Variants in NMNAT2 observed in about 807,000 individuals in gnomAD.
NMNAT2 encodes nicotinamide/nicotinic acid mononucleotide adenylyltransferase 2.
NMNAT2 carries 11 observed loss-of-function variants against 41.6 expected under a neutral mutation model. That is an observed-to-expected ratio of 0.26 (90% CI 0.17 to 0.44). The LOEUF (loss-of-function observed/expected upper bound fraction) is 0.44. NMNAT2 is among the 20% of genes least tolerant of loss of function. The probability of loss-of-function intolerance (pLI) is 1.00; values close to 1 mark genes in which losing one functional copy is unlikely to be tolerated. For missense variants in NMNAT2, 288 were observed against 407.7 expected (o/e 0.71, Z 2.53); for synonymous variants, 148 against 151.2 (o/e 0.98, Z 0.16).
At chr1:183,304,431 C>T (rs887692762) in intron 1 of NMNAT2, among the ~76,000 whole-genome samples, 3 of 152,160 alleles carry the variant, frequency 2.0e-5, no homozygotes, top group Non-Finnish European at 4.4e-5. Flanking sequence ...TGATAGGTTA[C>T]CCACATTTGG....
At chr1:183,323,723 A>G (rs1483950599) in intron 1 of NMNAT2, among the ~76,000 whole-genome samples, 1 of 152,206 alleles carries the variant, frequency 6.6e-6, no homozygotes, top group Non-Finnish European at 1.5e-5. Context: ...TATCTTCCTT[A>G]CAACCTTCCC....
chr1:183,398,713 C>T (rs1648724917), intron 1 of NMNAT2, among the ~76,000 whole-genome samples: 1 of 152,224 alleles, frequency 6.6e-6, no homozygotes, highest in African/African-American at 2.4e-5. Context: ...CAAACTGTCT[C>T]TCAGACCACA....
chr1:183,320,289 T>C (rs1342255316), intron 1 of NMNAT2, among the ~76,000 whole-genome samples: 1 of 152,204 alleles, frequency 6.6e-6, no homozygotes, highest in East Asian at 1.9e-4. Flanking sequence ...TTTGGTATTC[T>C]TTGAGAGATT....
At chr1:183,298,689 G>A (rs1571583104) in intron 1 of NMNAT2, among the ~76,000 whole-genome samples, 1 of 152,152 alleles carries the variant, frequency 6.6e-6, no homozygotes, top group Admixed American at 6.5e-5. Flanking sequence ...ACAACAAGTA[G>A]CAGAAGATGC....
rs972212778 is a variant in NMNAT2, at chr1:183,265,517, G to A, written c.652-4214C>T. 2.6e-5 allele frequency among the ~76,000 whole-genome samples: 4 copies of A among 151,708 alleles called. No individual in the cohort carries two copies. In the South Asian group the frequency reaches 6.2e-4, roughly 24 times the overall value. On this transcript the variant is annotated intron_variant, in intron 8 of 10. Transcript: ENST00000287713. ...CCTGACCTCATGATCCACCTCCCTCGGCCTCCCAAAGTGCTGGGATTACAG... is the reference window on the plus strand; with the variant it reads ...CCTGACCTCATGATCCACCTCCCTCAGCCTCCCAAAGTGCTGGGATTACAG...
chr1:183,261,848 G>A (rs1660667181), intron 8 of NMNAT2, among the ~76,000 whole-genome samples: 1 of 152,182 alleles, frequency 6.6e-6, no homozygotes, highest in South Asian at 2.1e-4. Context: ...GCTGTGATAG[G>A]GAGATGATGA....
intron 8 of NMNAT2, among the ~76,000 whole-genome samples, chr1:183,273,648 T>A (rs773638484): frequency 1.5e-4 from 23 of 152,224 alleles, no homozygotes; most frequent in Non-Finnish European, 2.8e-4. Flanking sequence ...ATAAGAGCAG[T>A]GGACTAATTC....
At chr1:183,264,739 G>A (rs1380483411) in intron 8 of NMNAT2, among the ~76,000 whole-genome samples, 1 of 152,116 alleles carries the variant, frequency 6.6e-6, no homozygotes, top group Non-Finnish European at 1.5e-5. Flanking sequence ...TTGGTGAGAT[G>A]TGCCCTCAGT....
chr1:183,257,697 T>G (rs1660554610), intron 10 of NMNAT2, among the ~76,000 whole-genome samples: 1 of 152,184 alleles, frequency 6.6e-6, no homozygotes, highest in Non-Finnish European at 1.5e-5. Flanking sequence ...ATCTTATTTC[T>G]GAGACATCTG....
chr1:183,363,099 A>G lies in NMNAT2; in HGVS notation c.85+55084T>C, dbSNP rs558225556. ...TTTGCCATTTGTGTATCTTCTTTGG[A>G]GAAATTTCTGTTCAAACCCCTAGCT... On this transcript the variant is annotated intron_variant, in intron 1 of 10. Transcript: ENST00000287713. Among the ~76,000 whole-genome samples, 3 of 152,200 alleles carry G rather than the reference A, an allele frequency of 2.0e-5. No homozygotes were observed. The South Asian group carries it at 6.2e-4, about 32-fold the overall frequency.
chr1:183,278,729 C>G, intron 7 of NMNAT2, 100 bp from the exon 8 acceptor site: 1 of 839,328 alleles, frequency 1.2e-6, no homozygotes, highest in Middle Eastern at 2.3e-4. Context: ...ACTCTCCCAC[C>G]TTTGGGGATG....
chr1:183,301,979 A>C (rs768464302), intron 1 of NMNAT2, among the ~76,000 whole-genome samples: 1 of 152,222 alleles, frequency 6.6e-6, no homozygotes, highest in Non-Finnish European at 1.5e-5. Flanking sequence ...CCCTGTTTGT[A>C]AATTTCCCAA....
At chr1:183,274,814 C>G (rs1018431546) in intron 8 of NMNAT2, among the ~76,000 whole-genome samples, 1 of 150,936 alleles carries the variant, frequency 6.6e-6, no homozygotes, top group African/African-American at 2.4e-5. Context: ...TGTCCTGAAG[C>G]GGGGAGAGAA....
chr1:183,328,739 C>T (rs972410759), intron 1 of NMNAT2, among the ~76,000 whole-genome samples: 2 of 152,196 alleles, frequency 1.3e-5, no homozygotes, highest in African/African-American at 4.8e-5. Context: ...GAATGTCTGC[C>T]GCAATCTACA....
chr1:183,389,824 GAA>G lies in NMNAT2; in HGVS notation c.85+28357_85+28358del, dbSNP rs1200790329. Among the ~76,000 whole-genome samples the G allele has an allele frequency of 2.4e-4, 13 of 54,342 alleles. 1 individual carries two copies. The highest frequency in any genetic ancestry group is 3.2e-4 in the Non-Finnish European group (9 of 27,788). 35.7% of individuals were successfully genotyped at this position (54,342 alleles called of 152,430 possible). On this transcript the variant is annotated intron_variant, in intron 1 of 10. Coordinates refer to ENST00000287713, the MANE Select transcript of NMNAT2 (RefSeq NM_015039.4). ...AGAAAGAAAGAAAGAAAGAAAGAAA[GAA>G]AGAAAGAAAGAAAGAAAGGAAAAAA...
intron 8 of NMNAT2, among the ~76,000 whole-genome samples, chr1:183,268,439 T>C (rs1391915087): frequency 6.6e-6 from 1 of 152,198 alleles, no homozygotes; most frequent in Non-Finnish European, 1.5e-5. Context: ...TATTTTCAAT[T>C]GTATCTACTG....
intron 10 of NMNAT2, among the ~76,000 whole-genome samples, chr1:183,253,371 T>C (rs538256719): frequency 1.2e-4 from 18 of 150,096 alleles, no homozygotes; most frequent in African/African-American, 4.4e-4. Context: ...ATGGTTACTG[T>C]AGTGGACCAA....
chr1:183,389,867 A>G lies in NMNAT2; in HGVS notation c.85+28316T>C, dbSNP rs1167495355. 2.9e-3 allele frequency among the ~76,000 whole-genome samples: 162 copies of G among 56,206 alleles called. 31 individuals are homozygous for G. The highest frequency in any genetic ancestry group is 7.5e-3 in the East Asian group (6 of 800). 36.9% of individuals were successfully genotyped at this position (56,206 alleles called of 152,430 possible). The stretch of plus-strand genomic sequence containing the variant: ...AAGGAAAAAAGAGAAAGAAAGAAAG[A>G]AAGAAGGGAGGGAGGGAGGGAGGGA... On this transcript the variant is annotated intron_variant, in intron 1 of 10. Coordinates refer to ENST00000287713, the MANE Select transcript of NMNAT2 (RefSeq NM_015039.4).
At chr1:183,366,581 T>C (rs912595774) in intron 1 of NMNAT2, among the ~76,000 whole-genome samples, 1 of 152,222 alleles carries the variant, frequency 6.6e-6, no homozygotes, top group Non-Finnish European at 1.5e-5. Context: ...TTGCAGGAAA[T>C]GTCTTTGAGA....
Sources: allele counts gnomAD v4.1 joint callset (sites outside exome capture counted in the v4.1 genomes callset), GRCh38; gene constraint gnomAD v4.1.1; transcripts MANE v1.5; gene names NCBI Gene and HGNC (gene_info 2026-07-23, HGNC 2026-07-21).